Variants in ACSF3 observed in about 807,000 individuals in gnomAD.
ACSF3 encodes malonate--CoA ligase ACSF3, mitochondrial.
A neutral mutation model predicts 53.2 loss-of-function variants in ACSF3; 78 were observed. The observed-to-expected ratio is 1.47, with a 90% confidence interval of 1.22 to 1.77. The LOEUF (loss-of-function observed/expected upper bound fraction) is 1.77, where lower values mean the gene tolerates loss of function less well. Among genes scored for constraint, ACSF3 ranks in the 40% most tolerant of loss-of-function variants. The pLI, the probability that ACSF3 is intolerant of heterozygous loss-of-function variation, is 0.00. For missense variants in ACSF3, 937 were observed against 771.1 expected (o/e 1.22, Z -2.55); for synonymous variants, 414 against 333.1 (o/e 1.24, Z -2.65).
intron 5 of ACSF3, 129 bp from the exon 6 acceptor site, chr16:89,114,210 C>A: frequency 7.9e-7 from 1 of 1,265,790 alleles, no homozygotes; most frequent in Non-Finnish European, 1.1e-6. Flanking sequence ...CGGCCTGGGG[C>A]TCCTGCACTC....
chr16:89,126,065 C>T (rs2151496891), intron 7 of ACSF3, among the ~76,000 whole-genome samples: 1 of 152,384 alleles, frequency 6.6e-6, no homozygotes, highest in African/African-American at 2.4e-5. Flanking sequence ...GTCTGTCTCT[C>T]CATTTACTTA....
chr16:89,104,230 GA>G (rs948131736), intron 4 of ACSF3, among the ~76,000 whole-genome samples: 2 of 152,156 alleles, frequency 1.3e-5, no homozygotes, highest in Non-Finnish European at 2.9e-5. Flanking sequence ...TTATTCACAG[GA>G]AAAAAAGTTT....
chr16:89,141,836 A>G (rs867101913), intron 8 of ACSF3, among the ~76,000 whole-genome samples: 9 of 152,264 alleles, frequency 5.9e-5, no homozygotes, highest in South Asian at 2.1e-4. Context: ...CACGCCACAC[A>G]CGTGCTCTGA....
chr16:89,150,919 G>C, intron 10 of ACSF3: 3 of 1,147,590 alleles, frequency 2.6e-6, no homozygotes, highest in Admixed American at 5.3e-5. Context: ...AAGTAAGTTA[G>C]AGGATTAATC....
At chr16:89,114,589 GGAGGA>G in intron 6 of ACSF3, 102 bp downstream of exon 6, 1 of 1,550,354 alleles carries the variant, frequency 6.5e-7, no homozygotes, top group Non-Finnish European at 8.8e-7. Context: ...AGGGCGGCAT[GGAGGA>G]TGCTCCCCCG....
intron 5 of ACSF3, 127 bp from the exon 6 acceptor site, chr16:89,114,212 C>T (rs1225649130): frequency 2.3e-6 from 3 of 1,304,670 alleles, no homozygotes; most frequent in Non-Finnish European, 3.2e-6. Context: ...GCCTGGGGCT[C>T]CTGCACTCGT....
chr16:89,101,620 A>G (rs1310638100), intron 3 of ACSF3, among the ~76,000 whole-genome samples: 5 of 152,170 alleles, frequency 3.3e-5, no homozygotes, highest in African/African-American at 1.2e-4. Context: ...TGAGGTCAGA[A>G]GGGACCACTC....
chr16:89,107,200 G>A (rs556276543), intron 4 of ACSF3, among the ~76,000 whole-genome samples: 1 of 152,220 alleles, frequency 6.6e-6, no homozygotes, highest in Non-Finnish European at 1.5e-5. Context: ...GCAACACATT[G>A]GGATGTGCTG....
intron 8 of ACSF3, among the ~76,000 whole-genome samples, chr16:89,142,742 C>G (rs1912081703): frequency 1.3e-5 from 2 of 151,828 alleles, no homozygotes; most frequent in South Asian, 2.1e-4. Context: ...TAGACACACC[C>G]ACACCTGCAG....
intron 10 of ACSF3, chr16:89,152,950 C>G (rs1035983132): frequency 6.6e-6 from 1 of 151,930 alleles, no homozygotes; most frequent in Non-Finnish European, 1.5e-5. Flanking sequence ...ACACCGAGGT[C>G]GAAGCCAGTT....
rs1904717099 is a variant in ACSF3 at position 89,114,487 on chromosome 16, G to C, written c.1126G>C (p.Gly376Arg). ...GPLTTAVRLP[G>R]SVGTPLPGVQ... is the part of the protein sequence containing the mutation. ...CCTGACCACTGCCGTGCGCCTGCCA[G>C]GTACGAGCACTTCCCACAGCTGCGT... Residue 376 changes from glycine to arginine, a missense_variant and splice_region_variant, in exon 6 of 11, where the codon GGT becomes CGT. Gly to Arg is a moderately radical substitution (Grantham distance 125, BLOSUM62 -2). Transcript: ENST00000614302. The C allele has an allele frequency of 6.2e-7, 1 of 1,611,250 alleles. No individual in the cohort carries two copies. The highest frequency in any genetic ancestry group is 1.3e-5 in the African/African-American group (1 of 75,044).
chr16:89,132,206 C>T (rs866671613), intron 7 of ACSF3, among the ~76,000 whole-genome samples: 1 of 152,264 alleles, frequency 6.6e-6, no homozygotes, highest in African/African-American at 2.4e-5. Flanking sequence ...TTCCAGATGG[C>T]AGGTGATGAG....
chr16:89,115,534 G>A (rs763511569), intron 6 of ACSF3, among the ~76,000 whole-genome samples: 51 of 152,230 alleles, frequency 3.4e-4, no homozygotes, highest in African/African-American at 1.0e-3. Context: ...GTGTGGGTGC[G>A]GCACCGCTTG....
chr16:89,111,125 G>T (rs1340717556), intron 4 of ACSF3, among the ~76,000 whole-genome samples: 1 of 152,218 alleles, frequency 6.6e-6, no homozygotes, highest in East Asian at 1.9e-4. Context: ...TTATTGCAGT[G>T]ATTTGAAGGG....
chr16:89,155,277 T>A lies in ACSF3; in HGVS notation c.*1070T>A, dbSNP rs753314646. On this transcript the variant is annotated 3_prime_UTR_variant, in exon 11 of 11. Transcript: ENST00000614302. ...TGGCCTGAACTTACCCAGAACATTC[T>A]GCCCCCGGAATGCACGTCTGAAAGA... is the stretch of plus-strand genomic sequence containing the variant. The A allele has an allele frequency of 2.2e-6, 1 of 454,108 alleles. No individual in the cohort carries two copies. Among genetic ancestry groups the A allele is most frequent in the South Asian group, 1.6e-5 (1 of 64,478 alleles). 28.1% of individuals were successfully genotyped at this position (454,108 alleles called of 1,614,324 possible).
intron 7 of ACSF3, among the ~76,000 whole-genome samples, chr16:89,130,385 C>T (rs1909032618): frequency 6.6e-6 from 1 of 152,124 alleles, no homozygotes; most frequent in Admixed American, 6.5e-5. Flanking sequence ...ACCAGCCTGG[C>T]CAACATGGGG....
chr16:89,144,149 C>T (rs970558166), intron 8 of ACSF3, among the ~76,000 whole-genome samples: 9 of 152,238 alleles, frequency 5.9e-5, no homozygotes, highest in African/African-American at 2.2e-4. Flanking sequence ...GAGACAGCTT[C>T]GGGCTGGGAG....
At chr16:89,153,944 G>A (rs762721306) in intron 10 of ACSF3, 146 bp from the exon 11 acceptor site, 35 of 769,066 alleles carry the variant, frequency 4.6e-5, no homozygotes, top group South Asian at 4.0e-4. Context: ...GCGGTGGCCC[G>A]GTGCACCTGC....
At position 89,154,083 on chromosome 16, in the gene ACSF3, T is replaced by C; in HGVS notation, c.1614-7T>C. On this transcript the variant is annotated splice_polypyrimidine_tract_variant and splice_region_variant and intron_variant, in intron 10 of 10. Coordinates refer to ENST00000614302, the MANE Select transcript of ACSF3 (RefSeq NM_001243279.3). ...CAGTGCGCCTCAGGCTGTGCTTGTCTCTGCAGAAATGTCCTGGCCCCGTAC... is the reference window on the plus strand; with the variant it reads ...CAGTGCGCCTCAGGCTGTGCTTGTCCCTGCAGAAATGTCCTGGCCCCGTAC... 6.2e-7 allele frequency: 1 copy of C among 1,612,212 alleles called. No individual in the cohort carries two copies. Among genetic ancestry groups the C allele is most frequent in the African/African-American group, 1.3e-5 (1 of 75,042 alleles).
Sources: gnomAD v4.1 joint callset for allele counts (sites outside exome capture counted in the v4.1 genomes callset) on GRCh38, gnomAD v4.1.1 for gene constraint, MANE v1.5 for transcripts, NCBI Gene and HGNC (gene_info 2026-07-23, HGNC 2026-07-21) for gene names.